Variants in TBC1D19 observed in about 807,000 individuals in gnomAD.
The protein encoded by TBC1D19 is TBC1 domain family, member 19.
TBC1D19 carries 60 observed loss-of-function variants against 89.0 expected under a neutral mutation model. That is an observed-to-expected ratio of 0.67 (90% CI 0.55 to 0.84). The LOEUF is 0.84. Ranked by LOEUF, TBC1D19 falls within the 40% of genes least tolerant of loss-of-function variation. The probability of loss-of-function intolerance (pLI) is 0.00; values close to 1 mark genes in which losing one functional copy is unlikely to be tolerated. For synonymous variants in TBC1D19, 189 were observed against 199.7 expected, an observed-to-expected ratio of 0.95 and a Z score of 0.45; for missense variants, 500 against 610.8, an observed-to-expected ratio of 0.82 and a Z score of 1.91.
intron 2 of TBC1D19, among the ~76,000 whole-genome samples, chr4:26,614,053 G>A (rs753566304): frequency 8.5e-5 from 13 of 152,084 alleles, no homozygotes; most frequent in South Asian, 2.1e-4. Flanking sequence ...GTTTTTTGCC[G>A]TTCCCTTGGC....
At chr4:26,730,524 C>T (rs976627928) in intron 15 of TBC1D19, among the ~76,000 whole-genome samples, 2 of 152,288 alleles carry the variant, frequency 1.3e-5, no homozygotes, top group East Asian at 3.9e-4. Context: ...TAGAGGCCCA[C>T]CTACCATAAG....
At chr4:26,808,141 T>C in the TBC1D19 span, among the ~76,000 whole-genome samples, 37 of 152,352 alleles carry the variant, frequency 2.4e-4, no homozygotes, top group African/African-American at 8.7e-4. Context: ...TCTGAGTGCA[T>C]TTATGCTTGT....
intron 4 of TBC1D19, among the ~76,000 whole-genome samples, chr4:26,622,643 A>G (rs990634496): frequency 1.3e-5 from 2 of 152,120 alleles, no homozygotes; most frequent in Admixed American, 1.3e-4. Context: ...TTACATTTTT[A>G]AGTGGTTGAA....
At chr4:26,696,566 C>T (rs1255801768) in intron 13 of TBC1D19, among the ~76,000 whole-genome samples, 1 of 152,222 alleles carries the variant, frequency 6.6e-6, no homozygotes, top group Non-Finnish European at 1.5e-5. Flanking sequence ...TTCTTCTCAG[C>T]ACCACATCAC....
chr4:26,657,575 AT>A (rs1224021254), intron 7 of TBC1D19, among the ~76,000 whole-genome samples: 3 of 152,176 alleles, frequency 2.0e-5, no homozygotes, highest in Non-Finnish European at 2.9e-5. Context: ...TAGTAGAATG[AT>A]TTATAATCCT....
the TBC1D19 span, among the ~76,000 whole-genome samples, chr4:26,841,063 G>A: frequency 6.6e-6 from 1 of 152,122 alleles, no homozygotes; most frequent in African/African-American, 2.4e-5. Context: ...CCTGGCAACA[G>A]TGGCTGTCCT....
At chr4:26,823,503 G>A in the TBC1D19 span, among the ~76,000 whole-genome samples, 1 of 152,216 alleles carries the variant, frequency 6.6e-6, no homozygotes, top group Non-Finnish European at 1.5e-5. Flanking sequence ...ACCACACCTA[G>A]AGTGAAGTGA....
At chr4:26,766,113 C>T in the TBC1D19 span, among the ~76,000 whole-genome samples, 3 of 151,942 alleles carry the variant, frequency 2.0e-5, no homozygotes, top group Non-Finnish European at 2.9e-5. Flanking sequence ...GATTTCCTCC[C>T]CTAGCATAGG....
the TBC1D19 span, among the ~76,000 whole-genome samples, chr4:26,767,398 G>T: frequency 6.6e-6 from 1 of 151,982 alleles, no homozygotes; most frequent in East Asian, 1.9e-4. Context: ...TTCCATTTCT[G>T]TCCGAGATGG....
intron 17 of TBC1D19, among the ~76,000 whole-genome samples, chr4:26,741,249 G>T (rs900136135): frequency 6.6e-6 from 1 of 151,386 alleles, no homozygotes; most frequent in African/African-American, 2.4e-5. Context: ...CCAGCTACTC[G>T]GGAGGCTGAG....
chr4:26,677,828 T>A (rs1712973601), intron 11 of TBC1D19, among the ~76,000 whole-genome samples: 1 of 152,186 alleles, frequency 6.6e-6, no homozygotes, highest in South Asian at 2.1e-4. Context: ...TGCTGCCCTG[T>A]GAAGAGGTGC....
At chr4:26,592,149 G>C (rs1032075011) in intron 1 of TBC1D19, among the ~76,000 whole-genome samples, 1 of 152,042 alleles carries the variant, frequency 6.6e-6, no homozygotes, top group Non-Finnish European at 1.5e-5. Context: ...CATGATAAGT[G>C]GGCTTCATCC....
At chr4:26,774,007 C>T in the TBC1D19 span, among the ~76,000 whole-genome samples, 3 of 152,186 alleles carry the variant, frequency 2.0e-5, no homozygotes, top group Non-Finnish European at 4.4e-5. Context: ...ATAGGGGACA[C>T]TTGATGCTTT....
chr4:26,852,171 G>A, the TBC1D19 span, among the ~76,000 whole-genome samples: 2,367 of 152,274 alleles, frequency 0.016, 66 homozygotes, highest in African/African-American at 0.055. Context: ...CTTGGTTGAT[G>A]GCAACTCCAT....
intron 15 of TBC1D19, among the ~76,000 whole-genome samples, chr4:26,734,969 T>G (rs1405024600): frequency 1.3e-5 from 2 of 150,630 alleles, no homozygotes; most frequent in Non-Finnish European, 3.0e-5. Context: ...TATGTATATA[T>G]GTATACACAT....
At chr4:26,655,894 G>A (rs922399320) in intron 7 of TBC1D19, among the ~76,000 whole-genome samples, 1 of 152,074 alleles carries the variant, frequency 6.6e-6, no homozygotes, top group African/African-American at 2.4e-5. Flanking sequence ...CCCACTTTCC[G>A]ACAATCCCCA....
At chr4:26,609,517 T>C (rs1196622502) in intron 1 of TBC1D19, among the ~76,000 whole-genome samples, 1 of 152,028 alleles carries the variant, frequency 6.6e-6, no homozygotes, top group Non-Finnish European at 1.5e-5. Context: ...TCTGAGGAAA[T>C]ATGAACAGCC....
At chr4:26,702,935 T>C (rs549680413) in intron 13 of TBC1D19, among the ~76,000 whole-genome samples, 12 of 152,348 alleles carry the variant, frequency 7.9e-5, no homozygotes, top group Admixed American at 2.6e-4. Flanking sequence ...AGATACCTCA[T>C]GTAGTAGAAT....
At chr4:26,659,766 T>C (rs1745104303) in intron 8 of TBC1D19, 59 bp downstream of exon 8, 1 of 1,110,400 alleles carries the variant, frequency 9.0e-7, no homozygotes, top group Non-Finnish European at 1.3e-6. Context: ...GAAAAATGTT[T>C]TAATACAGCA....
Sources: gnomAD v4.1 joint callset for allele counts (sites outside exome capture counted in the v4.1 genomes callset) on GRCh38, gnomAD v4.1.1 for gene constraint, MANE v1.5 for transcripts, NCBI Gene and HGNC (gene_info 2026-07-23, HGNC 2026-07-21) for gene names.